LHFPL3: variants seen among roughly 807,000 people sequenced by gnomAD.
LHFPL3 encodes the protein LHFPL tetraspan subfamily member 3.
LHFPL3 carries 5 observed loss-of-function variants against 19.3 expected under a neutral mutation model. That is an observed-to-expected ratio of 0.26 (90% CI 0.14 to 0.54). The LOEUF is 0.54. LHFPL3 is among the 20% of genes least tolerant of loss of function. LHFPL3 has a pLI of 0.94. For synonymous variants in LHFPL3, 133 were observed against 126.2 expected (o/e 1.05, Z -0.36); for missense variants, 249 against 307.4 (o/e 0.81, Z 1.42).
chr7:104,445,101 G>A (rs1792305821), intron 1 of LHFPL3, among the ~76,000 whole-genome samples: 5 of 152,050 alleles, frequency 3.3e-5, no homozygotes, highest in Admixed American at 6.6e-5. Context: ...TTGTTAGTTT[G>A]CTGGTGGTGG....
chr7:104,805,519 A>C (rs1347990564), intron 2 of LHFPL3, among the ~76,000 whole-genome samples: 2 of 152,208 alleles, frequency 1.3e-5, no homozygotes, highest in Non-Finnish European at 2.9e-5. Flanking sequence ...ACATGGTCCC[A>C]CATCAGCCTT....
chr7:104,563,901 G>C (rs1261849570), intron 1 of LHFPL3, among the ~76,000 whole-genome samples: 1 of 152,168 alleles, frequency 6.6e-6, no homozygotes, highest in Non-Finnish European at 1.5e-5. Flanking sequence ...TATTAAATTT[G>C]CCATTAAATA....
At chr7:104,873,867 C>A (rs6963987) in intron 2 of LHFPL3, among the ~76,000 whole-genome samples, 25,214 of 152,138 alleles carry the variant, frequency 0.17, 2,358 homozygotes, top group Non-Finnish European at 0.21. Flanking sequence ...ACCCATTTAA[C>A]AAAGCTAGTC....
intron 1 of LHFPL3, among the ~76,000 whole-genome samples, chr7:104,503,380 G>C (rs1584364226): frequency 6.7e-6 from 1 of 149,990 alleles, no homozygotes; most frequent in African/African-American, 2.4e-5. Context: ...GGAATTGTAA[G>C]TACTTTTTAT....
intron 1 of LHFPL3, among the ~76,000 whole-genome samples, chr7:104,654,865 C>T (rs1488056579): frequency 6.6e-6 from 1 of 152,160 alleles, no homozygotes; most frequent in Non-Finnish European, 1.5e-5. Context: ...AGGTTGTACA[C>T]CATGTACAAA....
intron 1 of LHFPL3, among the ~76,000 whole-genome samples, chr7:104,663,747 A>G (rs1466883582): frequency 6.6e-6 from 1 of 152,210 alleles, no homozygotes; most frequent in Non-Finnish European, 1.5e-5. Flanking sequence ...GCTTTGTCAT[A>G]TATTACAGAG....
chr7:104,486,539 C>T (rs1793240834), intron 1 of LHFPL3, among the ~76,000 whole-genome samples: 1 of 152,082 alleles, frequency 6.6e-6, no homozygotes, highest in African/African-American at 2.4e-5. Context: ...AGTGAGGAGT[C>T]TCTCTCAAAC....
chr7:104,557,401 G>T (rs1789868736), intron 1 of LHFPL3, among the ~76,000 whole-genome samples: 1 of 152,202 alleles, frequency 6.6e-6, no homozygotes. Flanking sequence ...GAGAGAGATT[G>T]TGCAAGGAAA....
chr7:104,899,345 C>G (rs978931686), intron 2 of LHFPL3, among the ~76,000 whole-genome samples: 8 of 151,912 alleles, frequency 5.3e-5, no homozygotes, highest in Non-Finnish European at 1.0e-4. Flanking sequence ...CTCCTGAACA[C>G]ACACATTTAA....
intron 1 of LHFPL3, among the ~76,000 whole-genome samples, chr7:104,406,588 G>T (rs1321014618): frequency 2.0e-5 from 3 of 152,222 alleles, no homozygotes; most frequent in African/African-American, 4.8e-5. Flanking sequence ...CGGGTCTTCT[G>T]ATCCCAGAGC....
intron 1 of LHFPL3, among the ~76,000 whole-genome samples, chr7:104,524,327 G>A (rs143643355): frequency 1.0e-3 from 157 of 152,210 alleles, no homozygotes; most frequent in African/African-American, 3.6e-3. Context: ...AAGGAAGGCC[G>A]GGCAAGGGAC....
chr7:104,642,730 C>T (rs1158182765), intron 1 of LHFPL3, among the ~76,000 whole-genome samples: 1 of 152,120 alleles, frequency 6.6e-6, no homozygotes, highest in Non-Finnish European at 1.5e-5. Context: ...ATGCAGGGTG[C>T]GACAGGAGAA....
intron 1 of LHFPL3, among the ~76,000 whole-genome samples, chr7:104,412,323 C>T (rs146929800): frequency 9.2e-5 from 14 of 152,106 alleles, no homozygotes; most frequent in East Asian, 1.9e-4. Context: ...GCCCATGGGT[C>T]GGGGAGTCAC....
intron 1 of LHFPL3, among the ~76,000 whole-genome samples, chr7:104,457,005 A>G (rs10268222): frequency 0.21 from 32,613 of 152,102 alleles, 3,802 homozygotes; most frequent in African/African-American, 0.31. Context: ...ACATTCCAAT[A>G]TGGAAACTCT....
chr7:104,447,179 TGCTTTCAGCTTGAGTCTC>T (rs1363216634), intron 1 of LHFPL3, among the ~76,000 whole-genome samples: 23 of 152,286 alleles, frequency 1.5e-4, no homozygotes, highest in African/African-American at 5.1e-4. Context: ...GATATAAAAT[TGCTTTCAGCTTGAGTCTC>T]AGACTGCATG....
At chr7:104,473,824 C>T (rs952902543) in intron 1 of LHFPL3, among the ~76,000 whole-genome samples, 1 of 152,238 alleles carries the variant, frequency 6.6e-6, no homozygotes, top group African/African-American at 2.4e-5. Context: ...TCTGAAGTCA[C>T]TGCTCTGAAA....
At chr7:104,405,103 A>C (rs1791390163) in intron 1 of LHFPL3, among the ~76,000 whole-genome samples, 1 of 152,150 alleles carries the variant, frequency 6.6e-6, no homozygotes, top group African/African-American at 2.4e-5. Context: ...TGTTTCTAAT[A>C]AATTCAGATA....
chr7:104,635,236 GA>G (rs1791709744), intron 1 of LHFPL3, among the ~76,000 whole-genome samples: 1 of 151,794 alleles, frequency 6.6e-6, no homozygotes, highest in South Asian at 2.1e-4. Flanking sequence ...AGGAATTATA[GA>G]AAAAAAGAAC....
At chr7:104,589,998 C>G (rs577356237) in intron 1 of LHFPL3, among the ~76,000 whole-genome samples, 74 of 152,230 alleles carry the variant, frequency 4.9e-4, no homozygotes, top group Non-Finnish European at 1.0e-3. Context: ...TGATTCTTCT[C>G]TCTTTTATTC....
Sources: gnomAD v4.1 joint callset for allele counts (sites outside exome capture counted in the v4.1 genomes callset) on GRCh38, gnomAD v4.1.1 for gene constraint, MANE v1.5 for transcripts, NCBI Gene and HGNC (gene_info 2026-07-23, HGNC 2026-07-21) for gene names.